F9: variants seen among roughly 807,000 people sequenced by gnomAD.
F9 encodes coagulation factor IX, also known as Christmas factor.
In F9, 2 loss-of-function variants were observed where a neutral mutation model predicts 34.1. That is an observed-to-expected ratio of 0.06 (90% confidence interval 0.02 to 0.18). The LOEUF (loss-of-function observed/expected upper bound fraction) is 0.18, where lower values mean the gene tolerates loss of function less well. Ranked by LOEUF, F9 falls within the 10% of genes least tolerant of loss-of-function variation. The pLI is 1.00. For synonymous variants in F9, 137 were observed against 118.8 expected, an observed-to-expected ratio of 1.15 and a Z score of -1.00; for missense variants, 216 against 345.1, an observed-to-expected ratio of 0.63 and a Z score of 2.96.
chrX:139,557,608 A>G (rs1468758400), intron 6 of F9, among the ~76,000 whole-genome samples: 1 of 111,830 alleles, frequency 8.9e-6, no homozygotes, highest in Non-Finnish European at 1.9e-5. Context: ...TCCCCCCAAT[A>G]CACTAACCAG....
chrX:139,549,784 T>C (rs1304601606), intron 5 of F9, among the ~76,000 whole-genome samples: 1 of 112,362 alleles, frequency 8.9e-6, no homozygotes, highest in Non-Finnish European at 1.9e-5. Context: ...ATTTTGTTTA[T>C]GGCCAGTTTT....
intron 6 of F9, among the ~76,000 whole-genome samples, chrX:139,559,830 G>C (rs1928056725): frequency 8.9e-6 from 1 of 111,943 alleles, no homozygotes; most frequent in Non-Finnish European, 1.9e-5. Flanking sequence ...TTTACCAAAT[G>C]TTGAGTGTGC....
chrX:139,552,871 C>T (rs1384720175), intron 6 of F9, among the ~76,000 whole-genome samples: 1 of 112,282 alleles, frequency 8.9e-6, no homozygotes, highest in African/African-American at 3.2e-5. Flanking sequence ...AAACTGGTGA[C>T]AATTTAAGCC....
intron 6 of F9, among the ~76,000 whole-genome samples, 192 bp downstream of exon 6, chrX:139,551,456 C>T (rs1257461403): frequency 9.0e-6 from 1 of 110,787 alleles, no homozygotes; most frequent in East Asian, 2.9e-4. Flanking sequence ...AAACCAGCTA[C>T]CATACAGGTC....
intron 4 of F9, among the ~76,000 whole-genome samples, chrX:139,545,340 C>T (rs1569329159): frequency 9.0e-6 from 1 of 111,666 alleles, no homozygotes; most frequent in East Asian, 2.8e-4. Flanking sequence ...CTTAATTCAG[C>T]AGGTCTAAGC....
chrX:139,555,169 C>T (rs1158822357), intron 6 of F9, among the ~76,000 whole-genome samples: 4 of 112,008 alleles, frequency 3.6e-5, no homozygotes, highest in East Asian at 5.6e-4. Flanking sequence ...AAATGTTTGT[C>T]GGAATTGTTG....
At chrX:139,551,507 C>G (rs753316882) in intron 6 of F9, among the ~76,000 whole-genome samples, 4 of 111,275 alleles carry the variant, frequency 3.6e-5, no homozygotes, top group Non-Finnish European at 7.5e-5. Context: ...AGCAGGATTC[C>G]AGACAGGCAA....
chrX:139,553,438 C>T (rs1925793048), intron 6 of F9, among the ~76,000 whole-genome samples: 1 of 111,492 alleles, frequency 9.0e-6, no homozygotes, highest in South Asian at 3.8e-4. Flanking sequence ...CATTATGTGT[C>T]CAACTTCCAT....
At chrX:139,537,236 C>T (rs1927503367) in intron 2 of F9, 63 bp downstream of exon 2, 1 of 1,152,332 alleles carries the variant, frequency 8.7e-7, no homozygotes, top group Non-Finnish European at 1.2e-6. Context: ...TTTAAAAAGA[C>T]ACTTCTCTTT....
chrX:139,562,342 C>T lies in F9; in HGVS notation c.*271C>T. 2.9e-6 allele frequency: 1 copy of T among 341,116 alleles called. No homozygotes were observed. Among genetic ancestry groups the T allele is most frequent in the Non-Finnish European group, 5.2e-6 (1 of 193,178 alleles). 28.1% of individuals were successfully genotyped at this position (341,116 alleles called of 1,213,427 possible). ...GTGAAGTTAAATTCTCCACTCTGTC[C>T]ATCAGATACTATGGTTCTCCACTAT... On this transcript the variant is annotated 3_prime_UTR_variant, in exon 8 of 8. Transcript: ENST00000218099.
chrX:139,545,400 A>G (rs1927694193), intron 4 of F9, among the ~76,000 whole-genome samples: 1 of 111,758 alleles, frequency 8.9e-6, no homozygotes, highest in Non-Finnish European at 1.9e-5. Context: ...TGCATAGGAG[A>G]AACAAAGGGA....
intron 6 of F9, among the ~76,000 whole-genome samples, chrX:139,552,621 C>A (rs1349737860): frequency 8.9e-6 from 1 of 112,338 alleles, no homozygotes; most frequent in African/African-American, 3.2e-5. Flanking sequence ...ATTGCACCTG[C>A]CAAATTTTAA....
At chrX:139,561,038 C>A (rs1280902693) in intron 7 of F9, among the ~76,000 whole-genome samples, 183 bp downstream of exon 7, 1 of 111,348 alleles carries the variant, frequency 9.0e-6, no homozygotes, top group Non-Finnish European at 1.9e-5. Context: ...TTTGATATAC[C>A]CCTATTATCA....
In F9 at chrX:139,557,193, A is replaced by G. The variant is rs572907711; in HGVS notation, c.724-3548A>G. Among the ~76,000 whole-genome samples the G allele has an allele frequency of 1.1e-4, 12 of 111,712 alleles. No homozygotes were observed. The South Asian group carries it at 4.6e-3, about 43-fold the overall frequency. ...ATAACTCAGATGTCTTACTCAGAGC[A>G]TATGCCTTCCCATTTTCCCCATTAT... is the stretch of plus-strand genomic sequence containing the variant. On this transcript the variant is annotated intron_variant, in intron 6 of 7. Transcript: ENST00000218099.
At chrX:139,553,661 A>C (rs1927895547) in intron 6 of F9, among the ~76,000 whole-genome samples, 1 of 108,964 alleles carries the variant, frequency 9.2e-6, no homozygotes, top group African/African-American at 3.4e-5. Flanking sequence ...AAAATACAAA[A>C]AATTAGCCCG....
intron 6 of F9, among the ~76,000 whole-genome samples, chrX:139,557,757 C>T (rs1247182473): frequency 8.8e-6 from 1 of 113,089 alleles, no homozygotes; most frequent in Admixed American, 9.3e-5. Context: ...ATTGGAGTTA[C>T]AGCCAGACAC....
chrX:139,536,282 C>CATATATGTATATATATATGT (rs1220432104), intron 1 of F9, among the ~76,000 whole-genome samples: 1 of 104,084 alleles, frequency 9.6e-6, no homozygotes, highest in Non-Finnish European at 2.0e-5. Context: ...TATGTACACA[C>CATATATGTATATATATATGT]ACACACATAG....
intron 5 of F9, among the ~76,000 whole-genome samples, chrX:139,549,417 TA>T (rs1486600953): frequency 1.8e-5 from 2 of 111,206 alleles, no homozygotes; most frequent in Non-Finnish European, 3.8e-5. Flanking sequence ...CTAGAGGAAT[TA>T]AAGACACACA....
chrX:139,560,632 C>T lies in F9; in HGVS notation c.724-109C>T. 9.1e-6 allele frequency: 5 copies of T among 551,295 alleles called. No individual in the cohort carries two copies. In the South Asian group the frequency reaches 1.3e-4, roughly 14 times the overall value. 45.4% of individuals were successfully genotyped at this position (551,295 alleles called of 1,213,427 possible). ...CATTTCCAGAAACATTCCATTTCTGCCAGCACCTAGAAGCCAATATTTTGC... is the reference window on the plus strand; with the variant it reads ...CATTTCCAGAAACATTCCATTTCTGTCAGCACCTAGAAGCCAATATTTTGC... On this transcript the variant is annotated intron_variant, in intron 6 of 7. Transcript: ENST00000218099.
Sources: gnomAD v4.1 joint callset for allele counts (sites outside exome capture counted in the v4.1 genomes callset) on GRCh38, gnomAD v4.1.1 for gene constraint, MANE v1.5 for transcripts, NCBI Gene and HGNC (gene_info 2026-07-23, HGNC 2026-07-21) for gene names.